Variants in SRD5A1 observed in about 807,000 individuals in gnomAD.
The protein encoded by SRD5A1 is steroid 5 alpha-reductase 1, also known as 3-oxo-5-alpha-steroid 4-dehydrogenase 1.
In SRD5A1, 22 loss-of-function variants were observed where a neutral mutation model predicts 28.2. The ratio of observed to expected loss-of-function variants is 0.78; its 90% CI spans 0.56 to 1.12. The LOEUF is 1.12. Among genes scored for constraint, SRD5A1 ranks in the 50% most tolerant of loss-of-function variants. The probability of loss-of-function intolerance (pLI) is 0.00; values close to 1 mark genes in which losing one functional copy is unlikely to be tolerated. For synonymous variants in SRD5A1, 151 were observed against 135.0 expected, an observed-to-expected ratio of 1.12 and a Z score of -0.82; for missense variants, 300 against 346.7, an observed-to-expected ratio of 0.87 and a Z score of 1.07.
At chr5:6,647,907 G>A (rs546176063) in intron 1 of SRD5A1, among the ~76,000 whole-genome samples, 55 of 152,200 alleles carry the variant, frequency 3.6e-4, no homozygotes, top group African/African-American at 1.3e-3. Context: ...GGCTGGTACC[G>A]GTTGTTCCTT....
At chr5:6,660,500 A>C (rs1227788841) in intron 3 of SRD5A1, among the ~76,000 whole-genome samples, 1 of 152,254 alleles carries the variant, frequency 6.6e-6, no homozygotes, top group Non-Finnish European at 1.5e-5. Flanking sequence ...GATCATGATT[A>C]ACGTAATCTT....
At chr5:6,635,637 A>G (rs928333225) in intron 1 of SRD5A1, among the ~76,000 whole-genome samples, 5 of 152,230 alleles carry the variant, frequency 3.3e-5, no homozygotes, top group African/African-American at 9.6e-5. Flanking sequence ...CGTGCTCAGT[A>G]CACAATACCT....
chr5:6,674,164 A>G lies in SRD5A1; in HGVS notation c.*5896A>G, dbSNP rs1312335586. 6.6e-6 allele frequency: 1 copy of G among 151,848 alleles called. No homozygotes were observed. Among genetic ancestry groups the G allele is most frequent in the East Asian group, 1.9e-4 (1 of 5,204 alleles). The allele number at this position is 151,848 out of a possible 1,614,324, so 9.4% of individuals were successfully genotyped here. A position where few individuals can be genotyped will look rare whatever the true frequency, so the allele number is the denominator to read the frequency against. ...TATTTTCATTATTATCTAAAATGTT[A>G]TTTAATTATTAAATTTAGATGCTAC... is the stretch of plus-strand genomic sequence containing the variant. On this transcript the variant is annotated 3_prime_UTR_variant, in exon 5 of 5. Coordinates refer to ENST00000274192, the MANE Select transcript of SRD5A1 (RefSeq NM_001047.4).
At chr5:6,652,755 C>G (rs1011133480) in intron 2 of SRD5A1, among the ~76,000 whole-genome samples, 5 of 151,696 alleles carry the variant, frequency 3.3e-5, no homozygotes, top group Non-Finnish European at 5.9e-5. Context: ...CACCATGGTC[C>G]CAGCTTACTC....
chr5:6,656,512 TC>T (rs1376291752), intron 3 of SRD5A1, among the ~76,000 whole-genome samples: 7 of 152,184 alleles, frequency 4.6e-5, no homozygotes, highest in African/African-American at 1.7e-4. Flanking sequence ...TTGACCCTCC[TC>T]TGAAAACAGT....
intron 2 of SRD5A1, among the ~76,000 whole-genome samples, chr5:6,653,704 A>G (rs1738751804): frequency 6.6e-6 from 1 of 152,176 alleles, no homozygotes; most frequent in South Asian, 2.1e-4. Context: ...ACAGATTTTA[A>G]ATGTTTGCCA....
At chr5:6,659,095 ACCCTGTCTCAAAAAAAAAAATCTTT>A (rs1220968463) in intron 3 of SRD5A1, among the ~76,000 whole-genome samples, 1 of 149,308 alleles carries the variant, frequency 6.7e-6, no homozygotes, top group Non-Finnish European at 1.5e-5. Context: ...CCAGAGGGAG[ACCCTGTCTCAAAAAAAAAAATCTTT>A]TTTTTTTTTT....
rs950747186 is a variant in SRD5A1, at chr5:6,672,383, C to T, written c.*4115C>T. On this transcript the variant is annotated 3_prime_UTR_variant, in exon 5 of 5. Transcript: ENST00000274192. ...CTGTGCCTCCCGGGTTCAAACAATT[C>T]TTCTGCCTCAGCCTCCCGAGTAGCT... The T allele has an allele frequency of 4.6e-5, 7 of 152,300 alleles. No individual in the cohort carries two copies. The highest frequency in any genetic ancestry group is 1.2e-4 in the African/African-American group (5 of 41,462). The allele number at this position is 152,300 out of a possible 1,614,324, so 9.4% of individuals were successfully genotyped here. A position where few individuals can be genotyped will look rare whatever the true frequency, so the allele number is the denominator to read the frequency against.
intron 1 of SRD5A1, among the ~76,000 whole-genome samples, chr5:6,651,229 G>A (rs533933126): frequency 6.6e-6 from 1 of 152,258 alleles, no homozygotes; most frequent in African/African-American, 2.4e-5. Context: ...TTAGGATAGT[G>A]GAAATCTTGA....
intron 4 of SRD5A1, among the ~76,000 whole-genome samples, chr5:6,667,032 A>G (rs1004456414): frequency 1.3e-5 from 2 of 152,330 alleles, no homozygotes; most frequent in Non-Finnish European, 2.9e-5. Context: ...CAGCACTTGC[A>G]AGTGCTGGAT....
chr5:6,638,822 G>A (rs1038814877), intron 1 of SRD5A1, among the ~76,000 whole-genome samples: 1 of 152,234 alleles, frequency 6.6e-6, no homozygotes, highest in Non-Finnish European at 1.5e-5. Context: ...TTTACAGAAG[G>A]AAAGGCTAGG....
chr5:6,651,098 G>A (rs531848651), intron 1 of SRD5A1, among the ~76,000 whole-genome samples: 6 of 152,196 alleles, frequency 3.9e-5, no homozygotes, highest in African/African-American at 1.4e-4. Flanking sequence ...AGTTGCTGGG[G>A]GAATTGGGGG....
intron 2 of SRD5A1, among the ~76,000 whole-genome samples, chr5:6,654,343 C>T (rs1738772827): frequency 6.6e-6 from 1 of 152,126 alleles, no homozygotes; most frequent in Non-Finnish European, 1.5e-5. Context: ...AGGTGTGAGC[C>T]ACCATGCCCA....
intron 3 of SRD5A1, among the ~76,000 whole-genome samples, chr5:6,659,116 T>A (rs75454201): frequency 6.8e-6 from 1 of 146,038 alleles, no homozygotes; most frequent in Non-Finnish European, 1.5e-5. Context: ...AAAAAAAAAA[T>A]CTTTTTTTTT....
chr5:6,650,424 A>G (rs963100921), intron 1 of SRD5A1, among the ~76,000 whole-genome samples: 3 of 151,968 alleles, frequency 2.0e-5, no homozygotes, highest in East Asian at 1.9e-4. Flanking sequence ...AAAAAAAAAA[A>G]AAGAGTTCCT....
rs111575871 is a variant in SRD5A1 at position 6,645,836 on chromosome 5, A to AT, written c.294-5997dup. Reference sequence around the variant, plus strand: ...AAGTCTAAATTCAGTTTCACAATCTATTTTTTTTTATTTTCTTTATTATTA... The same window carrying AT: ...AAGTCTAAATTCAGTTTCACAATCTATTTTTTTTTTATTTTCTTTATTATTA... On this transcript the variant is annotated intron_variant, in intron 1 of 4. Coordinates refer to ENST00000274192, the MANE Select transcript of SRD5A1 (RefSeq NM_001047.4). Among the ~76,000 whole-genome samples, 634 of 151,008 alleles carry AT rather than the reference A, an allele frequency of 4.2e-3. 4 individuals carry two copies. Among genetic ancestry groups the AT allele is most frequent in the African/African-American group, 0.014 (588 of 41,148 alleles).
intron 1 of SRD5A1, among the ~76,000 whole-genome samples, chr5:6,642,748 G>T (rs919757107): frequency 6.6e-6 from 1 of 152,200 alleles, no homozygotes; most frequent in Admixed American, 6.5e-5. Context: ...GGTGAGGGCA[G>T]TTCTTGCTCA....
At chr5:6,647,858 A>G (rs1738551911) in intron 1 of SRD5A1, among the ~76,000 whole-genome samples, 3 of 152,214 alleles carry the variant, frequency 2.0e-5, no homozygotes, top group Admixed American at 2.0e-4. Flanking sequence ...GTTTCTTCAT[A>G]GTGTCAATGA....
In SRD5A1 at chr5:6,667,191, C is replaced by T. The variant is rs73033339; in HGVS notation, c.714-1011C>T. Among the ~76,000 whole-genome samples, 969 of 152,320 alleles carry T rather than the reference C, an allele frequency of 6.4e-3. 8 individuals carry two copies. The highest frequency in any genetic ancestry group is 0.022 in the African/African-American group (935 of 41,568). Reference sequence around the variant, plus strand: ...GGGTCCATGCGCCACCACTGAGCCACGTAGCTGGAAAGGCTGCAGTCTCGA... The same window carrying T: ...GGGTCCATGCGCCACCACTGAGCCATGTAGCTGGAAAGGCTGCAGTCTCGA... On this transcript the variant is annotated intron_variant, in intron 4 of 4. Coordinates refer to ENST00000274192, the MANE Select transcript of SRD5A1 (RefSeq NM_001047.4).
Sources: gnomAD v4.1 joint callset for allele counts (sites outside exome capture counted in the v4.1 genomes callset) on GRCh38, gnomAD v4.1.1 for gene constraint, MANE v1.5 for transcripts, NCBI Gene and HGNC (gene_info 2026-07-23, HGNC 2026-07-21) for gene names.